The following TMEM35A variants were observed in gnomAD, a reference collection of about 807,000 sequenced individuals.
The protein encoded by TMEM35A is nicotinic acetylcholine receptor chaperone.
For missense variants in TMEM35A, 83 were observed against 132.7 expected (o/e 0.63, Z 1.84); for synonymous variants, 50 against 54.7 (o/e 0.91, Z 0.38).
rs1425893582 is a variant in TMEM35A, at chrX:101,095,937, G to T, written c.*981G>T. 8.9e-6 allele frequency: 1 copy of T among 111,899 alleles called. No homozygotes were observed. Among genetic ancestry groups the T allele is most frequent in the Non-Finnish European group, 1.9e-5 (1 of 53,240 alleles). The allele number at this position is 111,899 out of a possible 1,213,427, so 9.2% of individuals were successfully genotyped here. ...GAGCCTCAAACTCTACCTGTTCTCTGCAATCATCCAAAATTTGAAAAAGAA... is the reference window on the plus strand; with the variant it reads ...GAGCCTCAAACTCTACCTGTTCTCTTCAATCATCCAAAATTTGAAAAAGAA... On this transcript the variant is annotated 3_prime_UTR_variant, in exon 2 of 2. Coordinates refer to ENST00000372930, the MANE Select transcript of TMEM35A (RefSeq NM_021637.3).
intron 1 of TMEM35A, among the ~76,000 whole-genome samples, chrX:101,081,137 A>G (rs2089290722): frequency 8.9e-6 from 1 of 112,712 alleles, no homozygotes; most frequent in East Asian, 2.8e-4. Context: ...AGCAATATAG[A>G]ACCATTGTGT....
rs1556381270 is a variant in TMEM35A, at chrX:101,090,169, C to CTTTCTTTTTTTTTTTTTTTTTTT, written c.121-4401_121-4400insCTTTTTTTTTTTTTTTTTTTTTT. Among the ~76,000 whole-genome samples the CTTTCTTTTTTTTTTTTTTTTTTT allele has an allele frequency of 1.6e-3, 159 of 97,455 alleles. 9 individuals are homozygous for CTTTCTTTTTTTTTTTTTTTTTTT. Among genetic ancestry groups the CTTTCTTTTTTTTTTTTTTTTTTT allele is most frequent in the African/African-American group, 6.6e-3 (149 of 22,714 alleles). 84.6% of individuals were successfully genotyped at this position (97,455 alleles called of 115,157 possible). ...ACTCTGTCTTTCCATTTCTTTCTTTCTTTTTTTTTTTGAGACAGAGTCTTG... is the reference window on the plus strand; with the variant it reads ...ACTCTGTCTTTCCATTTCTTTCTTTCTTTCTTTTTTTTTTTTTTTTTTTTTTTTTTTTTTGAGACAGAGTCTTG... On this transcript the variant is annotated intron_variant, in intron 1 of 1. Transcript: ENST00000372930.
At chrX:101,084,139 G>T (rs2089299766) in intron 1 of TMEM35A, among the ~76,000 whole-genome samples, 1 of 83,223 alleles carries the variant, frequency 1.2e-5, no homozygotes, top group Non-Finnish European at 2.2e-5. Flanking sequence ...GCTGAACCGA[G>T]ATCACACCAT....
At chrX:101,086,040 T>C (rs1329444368) in intron 1 of TMEM35A, among the ~76,000 whole-genome samples, 3 of 112,362 alleles carry the variant, frequency 2.7e-5, no homozygotes, top group Non-Finnish European at 5.6e-5. Flanking sequence ...ACCACAAGAA[T>C]GGATCTGCTT....
intron 1 of TMEM35A, 29 bp downstream of exon 1, chrX:101,079,151 C>T (rs773714139): frequency 2.5e-6 from 3 of 1,206,988 alleles, no homozygotes. Context: ...TGATGAGGAG[C>T]GCACTCCCAT....
At chrX:101,089,415 G>A (rs748318190) in intron 1 of TMEM35A, among the ~76,000 whole-genome samples, 7 of 109,481 alleles carry the variant, frequency 6.4e-5, no homozygotes, top group Non-Finnish European at 1.1e-4. Flanking sequence ...AGTGTTTTTG[G>A]TGCCCTCTTA....
chrX:101,088,048 A>G (rs2089312619), intron 1 of TMEM35A, among the ~76,000 whole-genome samples: 1 of 109,389 alleles, frequency 9.1e-6, no homozygotes, highest in Admixed American at 9.9e-5. Flanking sequence ...AAATACAAAA[A>G]TTAGCCGGGC....
In TMEM35A at chrX:101,094,944, G is replaced by T; in HGVS notation, c.492G>T (p.Val164=). The change falls in exon 2 of 2, where the codon GTG becomes GTT. Residue 164 remains valine (V), a synonymous_variant. Coordinates refer to ENST00000372930, the MANE Select transcript of TMEM35A (RefSeq NM_021637.3). ...ATGAGAAGGCCCCTCAGGGCAAAGT[G>T]AAGGTGTCATAGAAAAGTGGAAGTG... The part of the protein sequence containing the change: ...SLYEKAPQGK[V]KVS The T allele has an allele frequency of 8.4e-7, 1 of 1,183,573 alleles. No homozygotes were observed.
intron 1 of TMEM35A, among the ~76,000 whole-genome samples, chrX:101,088,898 CAA>C (rs372375664): frequency 3.9e-5 from 4 of 101,958 alleles, no homozygotes; most frequent in African/African-American, 1.1e-4. Context: ...GATTCTGCCT[CAA>C]AAAAAAAAAG....
chrX:101,091,248 C>T lies in TMEM35A; in HGVS notation c.121-3325C>T, dbSNP rs188447741. Among the ~76,000 whole-genome samples the T allele has an allele frequency of 1.6e-4, 18 of 109,962 alleles. No individual in the cohort carries two copies. The East Asian group carries it at 4.9e-3, about 30-fold the overall frequency. On this transcript the variant is annotated intron_variant, in intron 1 of 1. Transcript: ENST00000372930. The stretch of plus-strand genomic sequence containing the variant: ...GATCTCTTTGTTTCCAGGCATACTT[C>T]CCCCAATTCATCCTCCACACTATTT...
At chrX:101,091,086 C>T (rs2089322877) in intron 1 of TMEM35A, among the ~76,000 whole-genome samples, 1 of 110,769 alleles carries the variant, frequency 9.0e-6, no homozygotes, top group Non-Finnish European at 1.9e-5. Context: ...GGCGATCCAC[C>T]CGCCTCGGCC....
intron 1 of TMEM35A, among the ~76,000 whole-genome samples, chrX:101,092,705 CAA>C (rs753771541): frequency 1.5e-4 from 13 of 85,311 alleles, no homozygotes; most frequent in East Asian, 3.6e-4. Flanking sequence ...ACTAAAAATA[CAA>C]AAAAAAAAAA....
chrX:101,083,143 A>G (rs1158294126), intron 1 of TMEM35A, among the ~76,000 whole-genome samples: 1 of 111,956 alleles, frequency 8.9e-6, no homozygotes, highest in East Asian at 2.8e-4. Flanking sequence ...TTTAGCAAGT[A>G]TCATTATAGA....
intron 1 of TMEM35A, chrX:101,081,372 C>T (rs763300265): frequency 8.9e-6 from 1 of 112,694 alleles, no homozygotes; most frequent in South Asian, 3.6e-4. Context: ...GCTTTATTCT[C>T]GTTCCCATAG....
At chrX:101,093,060 A>G (rs978673135) in intron 1 of TMEM35A, among the ~76,000 whole-genome samples, 52 of 111,634 alleles carry the variant, frequency 4.7e-4, no homozygotes, top group African/African-American at 1.6e-3. Flanking sequence ...TTTCATTTTT[A>G]TAGATTCTAC....
At chrX:101,083,015 A>G (rs2089297152) in intron 1 of TMEM35A, among the ~76,000 whole-genome samples, 1 of 111,725 alleles carries the variant, frequency 9.0e-6, no homozygotes, top group Non-Finnish European at 1.9e-5. Flanking sequence ...TATGCAATCA[A>G]TTAATATTGA....
intron 1 of TMEM35A, among the ~76,000 whole-genome samples, chrX:101,084,282 A>AT (rs768960973): frequency 2.7e-5 from 3 of 110,899 alleles, no homozygotes; most frequent in Non-Finnish European, 5.7e-5. Flanking sequence ...CATTTAAACA[A>AT]TGATCTATGA....
rs144682101 is a variant in TMEM35A at position 101,086,952 on chromosome X, C to CTT, written c.121-7601_121-7600dup. On this transcript the variant is annotated intron_variant, in intron 1 of 1. Coordinates refer to ENST00000372930, the MANE Select transcript of TMEM35A (RefSeq NM_021637.3). ...TGAGGGGGTTAGCAATAATAGGATT[C>CTT]TTTTTTTTTTTTTTTTTTTTTGAGA... 8.5e-3 allele frequency among the ~76,000 whole-genome samples: 613 copies of CTT among 72,512 alleles called. 7 individuals carry two copies. Among genetic ancestry groups the CTT allele is most frequent in the South Asian group, 0.037 (50 of 1,334 alleles). The allele number at this position is 72,512 out of a possible 115,157, so 63.0% of individuals were successfully genotyped here. A position where few individuals can be genotyped will look rare whatever the true frequency, so the allele number is the denominator to read the frequency against.
chrX:101,085,780 C>A (rs113236908), intron 1 of TMEM35A, among the ~76,000 whole-genome samples: 33,440 of 104,812 alleles, frequency 0.32, 4,894 homozygotes, highest in Middle Eastern at 0.45. Context: ...TACACACACA[C>A]AAAAAAATTA....
Sources: gnomAD v4.1 joint callset for allele counts (sites outside exome capture counted in the v4.1 genomes callset) on GRCh38, gnomAD v4.1.1 for gene constraint, MANE v1.5 for transcripts, NCBI Gene and HGNC (gene_info 2026-07-23, HGNC 2026-07-21) for gene names.